Variants in MRPS5 observed in about 807,000 individuals in gnomAD.
MRPS5 encodes the protein small ribosomal subunit protein uS5m.
A neutral mutation model predicts 51.9 loss-of-function variants in MRPS5; 27 were observed. The observed-to-expected ratio is 0.52, with a 90% CI of 0.38 to 0.72. MRPS5 has a LOEUF of 0.72. Among genes scored for constraint, MRPS5 ranks in the 30% least tolerant of loss-of-function variants. The probability of loss-of-function intolerance (pLI) is 0.00; values close to 1 mark genes in which losing one functional copy is unlikely to be tolerated. For missense variants in MRPS5, 570 were observed against 545.7 expected, an observed-to-expected ratio of 1.04 and a Z score of -0.44; for synonymous variants, 196 against 193.2, an observed-to-expected ratio of 1.01 and a Z score of -0.12.
intron 3 of MRPS5, among the ~76,000 whole-genome samples, chr2:95,112,318 G>C (rs1676144656): frequency 6.6e-6 from 1 of 152,082 alleles, no homozygotes; most frequent in Admixed American, 6.6e-5. Context: ...GCCCACCTCA[G>C]CCTCCCAAAG....
At chr2:95,114,289 G>A (rs189843639) in intron 3 of MRPS5, among the ~76,000 whole-genome samples, 83 of 147,000 alleles carry the variant, frequency 5.6e-4, no homozygotes, top group African/African-American at 1.5e-3. Context: ...ATGGAGTCTC[G>A]CTCTGTGGCC....
chr2:95,108,199 G>A lies in MRPS5; in HGVS notation c.613C>T (p.Pro205Ser), dbSNP rs778164601. The change falls in exon 5 of 12, where the codon CCC becomes TCC. Residue 205 changes from proline to serine, a missense_variant. Physicochemically the swap from Pro to Ser is moderately conservative, Grantham distance 74 (BLOSUM62 -1). Transcript: ENST00000272418. Reference sequence around the variant, plus strand: ...CCTCCACAGGGACCAGGGTCAGGGGGGCCAAGACTGATGCCTCCCCATGAG... The same window carrying A: ...CCTCCACAGGGACCAGGGTCAGGGGAGCCAAGACTGATGCCTCCCCATGAG... ...GNSWGGISLG[P>S]PDPGPCGETY... The A allele has an allele frequency of 2.3e-5, 37 of 1,614,012 alleles. No individual in the cohort carries two copies. Among genetic ancestry groups the A allele is most frequent in the Non-Finnish European group, 2.7e-5 (32 of 1,180,026 alleles).
At position 95,115,077 on chromosome 2, in the gene MRPS5, A is replaced by C. The variant is rs537283433; in HGVS notation, c.266T>G (p.Phe89Cys). Residue 89 changes from phenylalanine to cysteine, a missense_variant, in exon 3 of 12, where the codon TTC (phenylalanine) becomes TGC (cysteine). Phe to Cys is a radical substitution (Grantham distance 205, BLOSUM62 -2). Coordinates refer to ENST00000272418, the MANE Select transcript of MRPS5 (RefSeq NM_031902.5). ...GCCATTCTACATACATTTAGTGAAG[A>C]AACTATATGGTCTATACTGCTGGCT... ...LMSQQYRPYS[F>C]FTKLTADELW... is the part of the protein sequence containing the mutation. 1.2e-5 allele frequency: 19 copies of C among 1,561,498 alleles called. No homozygotes were observed. The South Asian group carries it at 2.2e-4, about 18-fold the overall frequency.
intron 7 of MRPS5, 34 bp from the exon 8 acceptor site, chr2:95,101,757 C>G (rs750019936): frequency 1.9e-6 from 3 of 1,543,798 alleles, no homozygotes; most frequent in Non-Finnish European, 1.8e-6. Context: ...AGAAAAGAGA[C>G]AGAAATTTTG....
At position 95,108,220 on chromosome 2, in the gene MRPS5, A is replaced by G. The variant is rs1676007042; in HGVS notation, c.592T>C (p.Trp198Arg). Residue 198 changes from tryptophan (W) to arginine (R), a missense_variant, in exon 5 of 12, where the codon TGG (tryptophan) becomes CGG (arginine). Trp to Arg is a moderately radical substitution (Grantham distance 101, BLOSUM62 -3). Coordinates refer to ENST00000272418, the MANE Select transcript of MRPS5 (RefSeq NM_031902.5). ...KRERGWSGNSWGGISLGPPDP... is the reference protein window; with the variant it reads ...KRERGWSGNSRGGISLGPPDP... ...GGGGGGCCAAGACTGATGCCTCCCCATGAGTTTCCACTCCATCCTCGCTCC... is the reference window on the plus strand; with the variant it reads ...GGGGGGCCAAGACTGATGCCTCCCCGTGAGTTTCCACTCCATCCTCGCTCC... 1.9e-6 allele frequency: 3 copies of G among 1,614,052 alleles called. No individual in the cohort carries two copies. The highest frequency in any genetic ancestry group is 1.3e-5 in the African/African-American group (1 of 74,920).
At chr2:95,094,925 C>T (rs1434096580) in intron 10 of MRPS5, among the ~76,000 whole-genome samples, 1 of 152,196 alleles carries the variant, frequency 6.6e-6, no homozygotes, top group Non-Finnish European at 1.5e-5. Context: ...AATTAAAAGA[C>T]ATAGACTGGC....
chr2:95,121,628 G>A, intron 1 of MRPS5, 106 bp downstream of exon 1: 2 of 1,286,030 alleles, frequency 1.6e-6, no homozygotes, highest in Non-Finnish European at 1.0e-6. Context: ...GAAGAGCCGG[G>A]GGCCGCGGCT....
intron 10 of MRPS5, among the ~76,000 whole-genome samples, chr2:95,097,134 G>A (rs966285208): frequency 6.6e-6 from 1 of 152,176 alleles, no homozygotes; most frequent in African/African-American, 2.4e-5. Context: ...ACTTACAAAA[G>A]ATGTGAAGGA....
chr2:95,101,791 C>T, intron 7 of MRPS5, 68 bp from the exon 8 acceptor site: 1 of 1,024,594 alleles, frequency 9.8e-7, no homozygotes, highest in Non-Finnish European at 1.5e-6. Context: ...TGCCACATTT[C>T]AAGTTTCTGC....
intron 4 of MRPS5, among the ~76,000 whole-genome samples, chr2:95,109,093 A>G (rs1304578757): frequency 6.6e-6 from 1 of 152,132 alleles, no homozygotes; most frequent in Non-Finnish European, 1.5e-5. Context: ...AATAGGATTG[A>G]AGAAGGTAGA....
intron 7 of MRPS5, chr2:95,103,920 A>G (rs1420235368): frequency 2.0e-5 from 3 of 152,220 alleles, no homozygotes; most frequent in Non-Finnish European, 4.4e-5. Context: ...AGTAGCTGTT[A>G]GGCCTGGTTT....
At chr2:95,114,806 G>A (rs1341735816) in intron 3 of MRPS5, among the ~76,000 whole-genome samples, 2 of 152,134 alleles carry the variant, frequency 1.3e-5, no homozygotes, top group Non-Finnish European at 2.9e-5. Context: ...AAGTCAGCAA[G>A]AGATATGGGC....
intron 8 of MRPS5, among the ~76,000 whole-genome samples, 161 bp downstream of exon 8, chr2:95,101,516 G>A (rs577428396): frequency 1.3e-5 from 2 of 152,036 alleles, no homozygotes; most frequent in East Asian, 3.8e-4. Flanking sequence ...AGGAATATAA[G>A]TACTTCTGAA....
intron 11 of MRPS5, among the ~76,000 whole-genome samples, chr2:95,089,096 CAAA>C (rs1031798983): frequency 1.3e-5 from 2 of 151,894 alleles, no homozygotes; most frequent in African/African-American, 4.8e-5. Context: ...AACCAAAAAC[CAAA>C]AACAGAACAA....
At chr2:95,093,788 G>GA (rs1301492914) in intron 10 of MRPS5, 3 of 152,210 alleles carry the variant, frequency 2.0e-5, no homozygotes, top group Admixed American at 1.3e-4. Context: ...AACCAGAGCA[G>GA]AAAACCTGAA....
In MRPS5 at chr2:95,104,703, T is replaced by TC; in HGVS notation, c.699dup (p.Lys234GlufsTer30). On this transcript the variant is annotated frameshift_variant, in exon 7 of 12. Coordinates refer to ENST00000272418, the MANE Select transcript of MRPS5 (RefSeq NM_031902.5). LOFTEE classifies it high-confidence loss of function. ...CGGATCGATTTCTTTCTTCCCTCTT[T>TC]CGCAGTCATAGTGAAAACGTTTCTT... The TC allele has an allele frequency of 6.2e-7, 1 of 1,614,100 alleles. No homozygotes were observed. The highest frequency in any genetic ancestry group is 8.5e-7 in the Non-Finnish European group (1 of 1,179,992).
rs906731985 is a variant in MRPS5, at chr2:95,112,555, T to A, written c.277+2511A>T. On this transcript the variant is annotated intron_variant, in intron 3 of 11. Coordinates refer to ENST00000272418, the MANE Select transcript of MRPS5 (RefSeq NM_031902.5). The stretch of plus-strand genomic sequence containing the variant: ...TATAAGATTCAATATTCATAGGAAA[T>A]CATTTTTGAAAAAGTGTGTCCTTCT... 4.3e-4 allele frequency among the ~76,000 whole-genome samples: 66 copies of A among 152,164 alleles called. 2 individuals are homozygous for A. Among genetic ancestry groups the A allele is most frequent in the Non-Finnish European group, 2.2e-4 (15 of 68,012 alleles).
At chr2:95,092,250 T>C (rs1675487857) in intron 10 of MRPS5, 1 of 152,236 alleles carries the variant, frequency 6.6e-6, no homozygotes, top group Admixed American at 6.5e-5. Flanking sequence ...TGCAGTGCTG[T>C]GTGTGGAACT....
chr2:95,100,977 TTTCA>T, intron 8 of MRPS5, 83 bp from the exon 9 acceptor site: 1 of 1,234,436 alleles, frequency 8.1e-7, no homozygotes, highest in Non-Finnish European at 1.1e-6. Context: ...AATAAAAATG[TTTCA>T]TTATCAAAAA....
Sources: allele counts gnomAD v4.1 joint callset (sites outside exome capture counted in the v4.1 genomes callset), GRCh38; gene constraint gnomAD v4.1.1; transcripts MANE v1.5; gene names NCBI Gene and HGNC (gene_info 2026-07-23, HGNC 2026-07-21).